The following MCM10 variants were observed in gnomAD, a reference collection of about 807,000 sequenced individuals.
MCM10 encodes protein MCM10 homolog.
Under a neutral mutation model 109.9 loss-of-function variants are expected in MCM10, and 91 were observed. That is an observed-to-expected ratio of 0.83 (90% CI 0.70 to 0.99). The LOEUF (loss-of-function observed/expected upper bound fraction) is 0.99, where lower values mean the gene tolerates loss of function less well. Ranked by LOEUF, MCM10 falls within the 50% of genes least tolerant of loss-of-function variation. The pLI is 0.00. For synonymous variants in MCM10, 380 were observed against 387.2 expected, an observed-to-expected ratio of 0.98 and a Z score of 0.22; for missense variants, 1,077 against 1,061.2, an observed-to-expected ratio of 1.01 and a Z score of -0.21.
Position 13,170,910 on chromosome 10 carries a change from C to G in MCM10, c.8-12C>G. 1 of 1,605,430 alleles carries G rather than the reference C, an allele frequency of 6.2e-7. No homozygotes were observed. Among genetic ancestry groups the G allele is most frequent in the Non-Finnish European group, 8.5e-7 (1 of 1,173,636 alleles). On this transcript the variant is annotated splice_polypyrimidine_tract_variant and intron_variant, in intron 2 of 19. Coordinates refer to ENST00000378714, the MANE Select transcript of MCM10 (RefSeq NM_018518.5). ...GTGCTTATTCTCTGTCCTTTCTCTTCTTTTCCCCTAGAGGAGGAAGACAAT... is the reference window on the plus strand; with the variant it reads ...GTGCTTATTCTCTGTCCTTTCTCTTGTTTTCCCCTAGAGGAGGAAGACAAT...
At chr10:13,169,774 C>T (rs1026272325) in intron 2 of MCM10, among the ~76,000 whole-genome samples, 3 of 152,160 alleles carry the variant, frequency 2.0e-5, no homozygotes, top group East Asian at 1.9e-4. Flanking sequence ...GGTGCGATCT[C>T]GGCTCACTGC....
At chr10:13,189,349 G>A (rs889024746) in intron 10 of MCM10, among the ~76,000 whole-genome samples, 1 of 150,468 alleles carries the variant, frequency 6.6e-6, no homozygotes, top group African/African-American at 2.4e-5. Context: ...TTGAGACGGA[G>A]TCTTACTCTA....
chr10:13,190,090 A>C (rs1834328153), intron 10 of MCM10, among the ~76,000 whole-genome samples: 1 of 152,098 alleles, frequency 6.6e-6, no homozygotes. Context: ...GGTTTGGATA[A>C]GCTTGTAATC....
chr10:13,176,031 A>G (rs768487712), intron 6 of MCM10, among the ~76,000 whole-genome samples: 3 of 152,230 alleles, frequency 2.0e-5, no homozygotes, highest in Non-Finnish European at 4.4e-5. Context: ...GACTTTTTAA[A>G]TACACAGACA....
At chr10:13,207,405 C>G (rs1349410248) in intron 18 of MCM10, among the ~76,000 whole-genome samples, 3 of 152,012 alleles carry the variant, frequency 2.0e-5, no homozygotes, top group Non-Finnish European at 4.4e-5. Context: ...GAGTTCTCTT[C>G]ATTGATACTG....
At chr10:13,208,944 C>T (rs1834621463) in intron 18 of MCM10, 147 bp from the exon 19 acceptor site, 1 of 677,346 alleles carries the variant, frequency 1.5e-6, no homozygotes, top group South Asian at 1.8e-5. Flanking sequence ...TGAGCATAAC[C>T]TCAGATTTGG....
chr10:13,163,270 C>T (rs545435715), intron 1 of MCM10, among the ~76,000 whole-genome samples: 253 of 152,090 alleles, frequency 1.7e-3, no homozygotes, highest in African/African-American at 5.8e-3. Flanking sequence ...GCCTGGGAGG[C>T]GGAGGTTGTA....
chr10:13,178,478 G>T (rs1834169671), intron 6 of MCM10, among the ~76,000 whole-genome samples: 1 of 152,178 alleles, frequency 6.6e-6, no homozygotes, highest in South Asian at 2.1e-4. Flanking sequence ...AGTTTTCCCT[G>T]CACCATTTGT....
At chr10:13,187,537 T>C (rs1834291023) in intron 9 of MCM10, among the ~76,000 whole-genome samples, 1 of 152,192 alleles carries the variant, frequency 6.6e-6, no homozygotes, top group South Asian at 2.1e-4. Context: ...GTCCAGAGTT[T>C]GGAGGAACTG....
chr10:13,171,347 G>A, intron 3 of MCM10, 84 bp downstream of exon 3: 1 of 1,206,914 alleles, frequency 8.3e-7, no homozygotes, highest in Non-Finnish European at 1.1e-6. Flanking sequence ...CAAAATAGCT[G>A]CTGATTCAAG....
intron 2 of MCM10, among the ~76,000 whole-genome samples, chr10:13,168,159 C>T (rs569357545): frequency 2.6e-5 from 4 of 152,316 alleles, no homozygotes; most frequent in South Asian, 4.1e-4. Flanking sequence ...CTTTGGCAGA[C>T]GGGAACAAGA....
Position 13,189,039 on chromosome 10 carries a change from T to C in MCM10, c.1374T>C (p.Phe458=), listed in dbSNP as rs1030219845. The change falls in exon 10 of 20, where the codon TTT becomes TTC. Residue 458 remains phenylalanine, a synonymous_variant. Transcript: ENST00000378714. ...SLKERLCQDG[F]YYGGVSSASY... ...AAGAACGGCTGTGCCAAGATGGCTTTTACTACGGAGGGGTTTCTTCTGCCT... is the reference window on the plus strand; with the variant it reads ...AAGAACGGCTGTGCCAAGATGGCTTCTACTACGGAGGGGTTTCTTCTGCCT... The C allele has an allele frequency of 1.2e-6, 2 of 1,614,132 alleles. No individual in the cohort carries two copies. The highest frequency in any genetic ancestry group is 1.7e-6 in the Non-Finnish European group (2 of 1,180,054).
intron 6 of MCM10, among the ~76,000 whole-genome samples, chr10:13,179,793 T>G (rs1229826794): frequency 6.6e-6 from 1 of 152,190 alleles, no homozygotes; most frequent in African/African-American, 2.4e-5. Context: ...AATTTAAGTG[T>G]CTTATTTATG....
intron 18 of MCM10, among the ~76,000 whole-genome samples, chr10:13,205,983 C>T (rs1281065569): frequency 3.3e-5 from 5 of 152,158 alleles, no homozygotes; most frequent in Admixed American, 2.0e-4. Flanking sequence ...ATGTTGCCGT[C>T]GCAGGTCCAT....
At chr10:13,165,135 G>A (rs1264196690) in intron 2 of MCM10, among the ~76,000 whole-genome samples, 2 of 152,150 alleles carry the variant, frequency 1.3e-5, no homozygotes, top group Non-Finnish European at 2.9e-5. Context: ...TAGGCATGCT[G>A]TGTTTTTTCC....
At chr10:13,201,816 C>T (rs1353037348) in intron 17 of MCM10, 10 of 342,242 alleles carry the variant, frequency 2.9e-5, no homozygotes, top group Non-Finnish European at 5.4e-5. Flanking sequence ...CCACTGGGTC[C>T]GCGTGGCTCT....
rs763512324 is a variant in MCM10, at chr10:13,171,069, G to A, written c.155G>A (p.Gly52Asp). The A allele has an allele frequency of 6.4e-5, 103 of 1,614,098 alleles. No homozygotes were observed. Among genetic ancestry groups the A allele is most frequent in the Non-Finnish European group, 7.3e-5 (86 of 1,180,064 alleles). The change falls in exon 3 of 20, where the codon GGT (glycine) becomes GAT (aspartate). Residue 52 changes from glycine (G) to aspartate (D), a missense_variant. By Grantham distance (94) the Gly-to-Asp change is moderately conservative. Coordinates refer to ENST00000378714, the MANE Select transcript of MCM10 (RefSeq NM_018518.5). ...FDELFDADGD[G>D]ESYTEEADDG... ...GAGCTCTTTGATGCCGACGGCGACG[G>A]TGAATCTTATACAGAAGAGGCTGAT...
intron 3 of MCM10, among the ~76,000 whole-genome samples, chr10:13,171,877 G>A (rs1207186026): frequency 2.0e-5 from 3 of 151,744 alleles, no homozygotes; most frequent in African/African-American, 7.3e-5. Flanking sequence ...TGATCTTCCT[G>A]CCACAGCCTC....
At chr10:13,186,921 G>T (rs556762807) in intron 9 of MCM10, among the ~76,000 whole-genome samples, 1 of 152,236 alleles carries the variant, frequency 6.6e-6, no homozygotes, top group South Asian at 2.1e-4. Context: ...GAACCTGGAA[G>T]GCAGAGGTTT....
Sources: gnomAD v4.1 joint callset for allele counts (sites outside exome capture counted in the v4.1 genomes callset) on GRCh38, gnomAD v4.1.1 for gene constraint, MANE v1.5 for transcripts, NCBI Gene and HGNC (gene_info 2026-07-23, HGNC 2026-07-21) for gene names.